EPB41L2: variants seen among roughly 807,000 people sequenced by gnomAD.
EPB41L2 encodes the protein erythrocyte membrane protein band 4.1 like 2, also known as band 4.1-like protein 2.
A neutral mutation model predicts 113.0 loss-of-function variants in EPB41L2; 43 were observed. That is an observed-to-expected ratio of 0.38 (90% CI 0.30 to 0.49). EPB41L2 has a LOEUF of 0.49. Ranked by LOEUF, EPB41L2 falls within the 20% of genes least tolerant of loss-of-function variation. EPB41L2 has a pLI of 0.95. For missense variants in EPB41L2, 1,147 were observed against 1,223.4 expected (o/e 0.94, Z 0.93); for synonymous variants, 442 against 436.7 (o/e 1.01, Z -0.15).
chr6:131,054,703 G>A (rs1797277855), intron 1 of EPB41L2, among the ~76,000 whole-genome samples: 1 of 152,230 alleles, frequency 6.6e-6, no homozygotes, highest in Admixed American at 6.5e-5. Context: ...TTACGAGACT[G>A]AAGGAAGGGA....
intron 4 of EPB41L2, among the ~76,000 whole-genome samples, chr6:130,916,514 C>A (rs1416842292): frequency 1.3e-5 from 2 of 152,110 alleles, no homozygotes; most frequent in Non-Finnish European, 2.9e-5. Context: ...GAATAATGGT[C>A]CAAATGTCCA....
At chr6:130,855,369 T>A (rs1268477913) in intron 19 of EPB41L2, among the ~76,000 whole-genome samples, 1 of 151,948 alleles carries the variant, frequency 6.6e-6, no homozygotes, top group African/African-American at 2.4e-5. Context: ...AAAAAATAAA[T>A]AAAACCATTA....
chr6:130,904,890 T>C (rs1797267704), intron 5 of EPB41L2, among the ~76,000 whole-genome samples: 1 of 150,400 alleles, frequency 6.6e-6, no homozygotes, highest in South Asian at 2.1e-4. Flanking sequence ...AACCACAGGA[T>C]CTCCTGTTGC....
At chr6:130,889,803 A>G (rs1792191028) in intron 11 of EPB41L2, among the ~76,000 whole-genome samples, 1 of 152,212 alleles carries the variant, frequency 6.6e-6, no homozygotes, top group African/African-American at 2.4e-5. Context: ...AGAACTCTTA[A>G]CAAATATTTG....
At chr6:131,037,244 T>G (rs930074699) in intron 1 of EPB41L2, among the ~76,000 whole-genome samples, 5 of 152,228 alleles carry the variant, frequency 3.3e-5, no homozygotes, top group African/African-American at 9.7e-5. Flanking sequence ...TGGGAATACA[T>G]GAATAAATTA....
intron 1 of EPB41L2, among the ~76,000 whole-genome samples, chr6:131,007,387 CT>C (rs1284424098): frequency 3.3e-5 from 5 of 152,166 alleles, no homozygotes; most frequent in African/African-American, 1.2e-4. Flanking sequence ...AATTAAACTT[CT>C]TTTTTTTAAA....
At chr6:131,019,026 T>C (rs909611916) in intron 1 of EPB41L2, among the ~76,000 whole-genome samples, 1 of 152,208 alleles carries the variant, frequency 6.6e-6, no homozygotes, top group Non-Finnish European at 1.5e-5. Flanking sequence ...CATATTAACT[T>C]TAGGACTGGC....
rs567355400 is a variant in EPB41L2, at chr6:130,839,417, G to A, written c.*1187C>T. ...CAAAATATCATTTAATACAACTTGA[G>A]GCTGCTATAAATCTAATCTGGCATC... On this transcript the variant is annotated 3_prime_UTR_variant, in exon 20 of 20. Transcript: ENST00000337057. 16 of 152,176 alleles carry A rather than the reference G, an allele frequency of 1.1e-4. 1 individual carries two copies. Among genetic ancestry groups the A allele is most frequent in the African/African-American group, 3.9e-4 (16 of 41,532 alleles). The allele number at this position is 152,176 out of a possible 1,614,324, so 9.4% of individuals were successfully genotyped here.
chr6:131,021,548 C>T lies in EPB41L2; in HGVS notation c.-15+41607G>A, dbSNP rs140429078. Among the ~76,000 whole-genome samples, 1,289 of 152,196 alleles carry T rather than the reference C, an allele frequency of 8.5e-3. 16 individuals carry two copies. Among genetic ancestry groups the T allele is most frequent in the African/African-American group, 0.03 (1,237 of 41,522 alleles). On this transcript the variant is annotated intron_variant, in intron 1 of 19. Coordinates refer to ENST00000337057, the MANE Select transcript of EPB41L2 (RefSeq NM_001431.4). ...TGGTGGCAGGTGCCTGTAATCCCAG[C>T]TACTCAGGAGCCTGAGGCAGGAGAA... is the stretch of plus-strand genomic sequence containing the variant.
chr6:130,926,523 T>C, intron 4 of EPB41L2, 82 bp downstream of exon 4: 1 of 1,046,688 alleles, frequency 9.6e-7, no homozygotes, highest in Non-Finnish European at 1.4e-6. Flanking sequence ...ATTTTAAAGC[T>C]AAATTTTAAA....
intron 19 of EPB41L2, among the ~76,000 whole-genome samples, chr6:130,844,259 C>T (rs752436471): frequency 3.3e-5 from 5 of 152,046 alleles, no homozygotes; most frequent in Non-Finnish European, 7.4e-5. Flanking sequence ...ATTCTGAAAA[C>T]GGGAATGAAA....
intron 1 of EPB41L2, among the ~76,000 whole-genome samples, chr6:130,996,559 T>A (rs1783167468): frequency 3.3e-5 from 5 of 152,234 alleles, no homozygotes; most frequent in Admixed American, 3.3e-4. Flanking sequence ...GTACACACTT[T>A]CTACAAACTG....
chr6:131,061,684 T>C (rs771635178), intron 1 of EPB41L2, among the ~76,000 whole-genome samples: 1 of 152,174 alleles, frequency 6.6e-6, no homozygotes, highest in African/African-American at 2.4e-5. Flanking sequence ...CCCTGCAGCA[T>C]AGAAACTGAC....
At chr6:130,983,035 C>T (rs533812118) in intron 1 of EPB41L2, among the ~76,000 whole-genome samples, 2 of 152,316 alleles carry the variant, frequency 1.3e-5, no homozygotes, top group East Asian at 3.9e-4. Flanking sequence ...ATAGCCTCAA[C>T]TACAAAAAGC....
chr6:130,903,585 C>T (rs1796886214), intron 6 of EPB41L2, among the ~76,000 whole-genome samples: 1 of 151,998 alleles, frequency 6.6e-6, no homozygotes. Flanking sequence ...TTGCTAAGCC[C>T]CTCTAGTTTT....
In EPB41L2 at chr6:130,956,301, TGGC is replaced by T; in HGVS notation, c.182_184del (p.Arg61del). On this transcript the variant is annotated inframe_deletion, in exon 2 of 20. Transcript: ENST00000337057. ...CTCCGATGTTTCCTTCTCTCTCTTC[TGGC>T]GGCGTAGACTACTTTGGCTTTCAGC... 6.2e-7 allele frequency: 1 copy of T among 1,614,226 alleles called. No homozygotes were observed. Among genetic ancestry groups the T allele is most frequent in the Non-Finnish European group, 8.5e-7 (1 of 1,180,036 alleles).
intron 1 of EPB41L2, among the ~76,000 whole-genome samples, chr6:131,044,904 G>A (rs1422207778): frequency 6.6e-6 from 1 of 152,124 alleles, no homozygotes; most frequent in Non-Finnish European, 1.5e-5. Context: ...AAATCTCAGA[G>A]CACAATACAC....
chr6:130,880,067 C>T (rs1408634771), intron 13 of EPB41L2, 77 bp downstream of exon 13: 7 of 1,085,132 alleles, frequency 6.5e-6, no homozygotes, highest in South Asian at 1.4e-5. Flanking sequence ...ACATTGCCAG[C>T]CAGCCTAGGC....
At chr6:131,024,079 A>G (rs1479731627) in intron 1 of EPB41L2, among the ~76,000 whole-genome samples, 1 of 152,140 alleles carries the variant, frequency 6.6e-6, no homozygotes, top group African/African-American at 2.4e-5. Flanking sequence ...CTCTAGGTCT[A>G]CAACAGAGGC....
Sources: gnomAD v4.1 joint callset for allele counts (sites outside exome capture counted in the v4.1 genomes callset) on GRCh38, gnomAD v4.1.1 for gene constraint, MANE v1.5 for transcripts, NCBI Gene and HGNC (gene_info 2026-07-23, HGNC 2026-07-21) for gene names.